APOO: variants seen among roughly 807,000 people sequenced by gnomAD.
APOO encodes MICOS complex subunit MIC26.
A neutral mutation model predicts 23.1 loss-of-function variants in APOO; 11 were observed. That is an observed-to-expected ratio of 0.48 (90% CI 0.30 to 0.79). The LOEUF is 0.79. Among genes scored for constraint, APOO ranks in the 30% least tolerant of loss-of-function variants. The probability of loss-of-function intolerance (pLI) is 0.07; values close to 1 mark genes in which losing one functional copy is unlikely to be tolerated. For synonymous variants in APOO, 59 were observed against 54.8 expected, an observed-to-expected ratio of 1.08 and a Z score of -0.34; for missense variants, 160 against 142.7, an observed-to-expected ratio of 1.12 and a Z score of -0.62.
At chrX:23,847,014 T>C (rs985641334) in intron 7 of APOO, among the ~76,000 whole-genome samples, 20 of 109,442 alleles carry the variant, frequency 1.8e-4, no homozygotes, top group Non-Finnish European at 3.3e-4. Context: ...AAGGGACAAA[T>C]GACCCATATA....
At chrX:23,880,056 T>C (rs1301869185) in intron 2 of APOO, among the ~76,000 whole-genome samples, 1 of 106,122 alleles carries the variant, frequency 9.4e-6, no homozygotes, top group Admixed American at 9.9e-5. Context: ...AGAAGATTTC[T>C]TGTTTTTTTT....
Position 23,839,746 on chromosome X carries a change from C to T in APOO, c.*29+567G>A, listed in dbSNP as rs929490615. ...TTTCATTTAACAATAATTGTGCACA[C>T]GTTCCCATGCAATTAAATACTGTAG... On this transcript the variant is annotated intron_variant, in intron 8 of 8. Coordinates refer to ENST00000379226, the MANE Select transcript of APOO (RefSeq NM_024122.5). 1.2e-4 allele frequency among the ~76,000 whole-genome samples: 13 copies of T among 111,347 alleles called. No homozygotes were observed. The East Asian group carries it at 2.0e-3, about 17-fold the overall frequency.
intron 5 of APOO, among the ~76,000 whole-genome samples, chrX:23,860,374 T>TA (rs1221720832): frequency 9.1e-6 from 1 of 110,430 alleles, no homozygotes; most frequent in African/African-American, 3.3e-5. Context: ...TTCAAAATGT[T>TA]AAAAAACCCA....
chrX:23,904,753 G>A (rs899273307), intron 1 of APOO, among the ~76,000 whole-genome samples: 68 of 110,580 alleles, frequency 6.1e-4, no homozygotes, highest in African/African-American at 1.9e-3. Flanking sequence ...TGATCCGCCC[G>A]CCTCGGCCTC....
intron 1 of APOO, among the ~76,000 whole-genome samples, chrX:23,889,659 T>G (rs899818203): frequency 1.3e-5 from 1 of 79,177 alleles, no homozygotes; most frequent in Non-Finnish European, 2.5e-5. Context: ...GGGAGTTGTT[T>G]TTTTTTTTTT....
In APOO at chrX:23,867,348, C is replaced by A. The variant is rs990462149; in HGVS notation, c.388+1245G>T. On this transcript the variant is annotated intron_variant, in intron 5 of 8. Transcript: ENST00000379226. ...CCCTCCCTGTGGGAATGAGTGATTT[C>A]TCACTCTATTAGTTAACATGAGGGC... 3.6e-5 allele frequency among the ~76,000 whole-genome samples: 4 copies of A among 110,364 alleles called. No homozygotes were observed. The South Asian group carries it at 1.5e-3, about 42-fold the overall frequency.
intron 1 of APOO, among the ~76,000 whole-genome samples, chrX:23,893,864 G>GCC (rs906165736): frequency 1.8e-5 from 2 of 110,558 alleles, no homozygotes; most frequent in Non-Finnish European, 3.8e-5. Context: ...GAGCCACCAT[G>GCC]CCCGGCCAGC....
intron 7 of APOO, among the ~76,000 whole-genome samples, chrX:23,850,703 T>C (rs963127105): frequency 9.0e-6 from 1 of 111,594 alleles, no homozygotes; most frequent in Non-Finnish European, 1.9e-5. Context: ...GGCGCATGCC[T>C]GTAGTCCTAG....
chrX:23,861,632 C>T (rs765428983), intron 5 of APOO, among the ~76,000 whole-genome samples: 1 of 106,103 alleles, frequency 9.4e-6, no homozygotes, highest in Admixed American at 1.0e-4. Context: ...CATGGATTTC[C>T]TGCTGAGAAC....
At chrX:23,883,154 C>T (rs1926219227) in intron 1 of APOO, among the ~76,000 whole-genome samples, 1 of 111,090 alleles carries the variant, frequency 9.0e-6, no homozygotes, top group Admixed American at 9.6e-5. Flanking sequence ...GGGCGTGGTC[C>T]CTGGCTAGGG....
intron 1 of APOO, among the ~76,000 whole-genome samples, chrX:23,889,390 A>T (rs1209024710): frequency 3.6e-5 from 4 of 111,098 alleles, no homozygotes; most frequent in Admixed American, 2.9e-4. Context: ...GACAAATAAA[A>T]ACCTTAAGCT....
intron 1 of APOO, among the ~76,000 whole-genome samples, chrX:23,896,955 AAAC>A (rs947247190): frequency 2.7e-5 from 3 of 110,823 alleles, no homozygotes; most frequent in Non-Finnish European, 5.7e-5. Context: ...TTTAGACTTC[AAAC>A]AACATTAAAA....
chrX:23,844,805 C>G (rs1399013256), intron 7 of APOO, among the ~76,000 whole-genome samples: 1 of 112,200 alleles, frequency 8.9e-6, no homozygotes, highest in African/African-American at 3.2e-5. Context: ...AAAACTAAAA[C>G]AATGACATAA....
At chrX:23,868,063 C>T (rs1389805218) in intron 5 of APOO, among the ~76,000 whole-genome samples, 1 of 112,227 alleles carries the variant, frequency 8.9e-6, no homozygotes, top group Admixed American at 9.5e-5. Flanking sequence ...ACAAATTCAT[C>T]TCATCATAGC....
intron 5 of APOO, among the ~76,000 whole-genome samples, chrX:23,862,241 A>G: frequency 9.0e-6 from 1 of 111,362 alleles, no homozygotes; most frequent in Non-Finnish European, 1.9e-5. Context: ...TAAACCTATT[A>G]CTAAGTATCA....
intron 5 of APOO, among the ~76,000 whole-genome samples, chrX:23,866,086 G>T (rs778584786): frequency 9.0e-5 from 10 of 110,752 alleles, no homozygotes; most frequent in African/African-American, 1.3e-4. Flanking sequence ...CGTACCCACA[G>T]CACAGAAAAA....
At chrX:23,897,617 G>A (rs1926955989) in intron 1 of APOO, among the ~76,000 whole-genome samples, 1 of 111,819 alleles carries the variant, frequency 8.9e-6, no homozygotes, top group Admixed American at 9.6e-5. Context: ...TTCAAGTTTA[G>A]CTTTTCAAAT....
intron 1 of APOO, among the ~76,000 whole-genome samples, chrX:23,884,442 ATTTAT>A (rs1231543101): frequency 1.8e-5 from 2 of 112,025 alleles, no homozygotes; most frequent in Non-Finnish European, 3.8e-5. Context: ...TTTTATTTTC[ATTTAT>A]TTTAATTTTT....
intron 8 of APOO, among the ~76,000 whole-genome samples, chrX:23,839,186 G>A (rs1437598663): frequency 8.9e-6 from 1 of 111,986 alleles, no homozygotes; most frequent in African/African-American, 3.2e-5. Flanking sequence ...ACTGATGTTG[G>A]GTTACTGTAT....
Sources: allele counts gnomAD v4.1 joint callset (sites outside exome capture counted in the v4.1 genomes callset), GRCh38; gene constraint gnomAD v4.1.1; transcripts MANE v1.5; gene names NCBI Gene and HGNC (gene_info 2026-07-23, HGNC 2026-07-21).